VAV3: variants seen among roughly 807,000 people sequenced by gnomAD.
VAV3 encodes vav guanine nucleotide exchange factor 3.
VAV3 carries 94 observed loss-of-function variants against 131.2 expected under a neutral mutation model. The ratio of observed to expected loss-of-function variants is 0.72; its 90% CI spans 0.61 to 0.85. The LOEUF (loss-of-function observed/expected upper bound fraction) is 0.85, where lower values mean the gene tolerates loss of function less well. Among genes scored for constraint, VAV3 ranks in the 40% least tolerant of loss-of-function variants. The pLI is 0.00. For synonymous variants in VAV3, 349 were observed against 342.0 expected, an observed-to-expected ratio of 1.02 and a Z score of -0.22; for missense variants, 939 against 1,002.7, an observed-to-expected ratio of 0.94 and a Z score of 0.86.
intron 2 of VAV3, among the ~76,000 whole-genome samples, chr1:107,835,507 C>T (rs971638343): frequency 4.6e-5 from 7 of 152,138 alleles, no homozygotes; most frequent in African/African-American, 7.2e-5. Context: ...CCTCCCTCTG[C>T]GGGGCTGGTC....
chr1:107,841,412 A>C (rs1668703022), intron 2 of VAV3, among the ~76,000 whole-genome samples: 1 of 152,222 alleles, frequency 6.6e-6, no homozygotes, highest in Non-Finnish European at 1.5e-5. Flanking sequence ...GCTGAGGAGA[A>C]ACAGTAGCGG....
intron 19 of VAV3, among the ~76,000 whole-genome samples, chr1:107,649,547 G>C (rs144723624): frequency 1.8e-4 from 28 of 152,156 alleles, no homozygotes; most frequent in East Asian, 1.4e-3. Context: ...TGATTATTGA[G>C]ATGATCCCCT....
At chr1:107,843,232 C>T (rs1034504116) in intron 2 of VAV3, among the ~76,000 whole-genome samples, 50 of 151,958 alleles carry the variant, frequency 3.3e-4, no homozygotes, top group Non-Finnish European at 2.5e-4. Context: ...CTTAAACACA[C>T]ATCCTGAGTA....
intron 2 of VAV3, among the ~76,000 whole-genome samples, chr1:107,826,621 C>T (rs556266163): frequency 9.2e-5 from 14 of 152,248 alleles, no homozygotes; most frequent in African/African-American, 3.4e-4. Flanking sequence ...TGATGAACTT[C>T]CAATGTTAGC....
intron 22 of VAV3, among the ~76,000 whole-genome samples, chr1:107,607,716 A>C (rs1476347956): frequency 6.6e-6 from 1 of 152,198 alleles, no homozygotes; most frequent in African/African-American, 2.4e-5. Flanking sequence ...TCTCATTCCT[A>C]TCTTTTGATA....
rs1665121168 is a variant in VAV3 at position 107,772,774 on chromosome 1, G to A, written c.516C>T (p.Val172=). The A allele has an allele frequency of 6.2e-7, 1 of 1,613,716 alleles. No individual in the cohort carries two copies. ...CVYGEDEGGE[V]YEDLMKAEEA... is the part of the protein sequence containing the mutation. ...CCTCTGCCTTCATTAAGTCCTCATA[G>A]ACTTCTCCACCTTCATCTTCCCCAT... is the stretch of plus-strand genomic sequence containing the variant. The change falls in exon 5 of 27, where the codon GTC becomes GTT. Residue 172 remains valine, a synonymous_variant. Transcript: ENST00000370056.
chr1:107,726,332 C>A lies in VAV3; in HGVS notation c.1503-21271G>T, dbSNP rs569257603. ...ACTCTGCTTAGGTTTGATCCTCACA[C>A]AAGCTACAGGAATTCCGCCAGAAAG... On this transcript the variant is annotated intron_variant, in intron 15 of 26. Transcript: ENST00000370056. Among the ~76,000 whole-genome samples, 5 of 152,328 alleles carry A rather than the reference C, an allele frequency of 3.3e-5. No individual in the cohort carries two copies. The South Asian group carries it at 1.0e-3, about 32-fold the overall frequency.
intron 1 of VAV3, among the ~76,000 whole-genome samples, chr1:107,886,230 G>A (rs895592211): frequency 1.3e-5 from 2 of 152,206 alleles, no homozygotes; most frequent in African/African-American, 2.4e-5. Context: ...CTAAGAACTT[G>A]CCATGGAGTA....
chr1:107,778,712 T>C (rs1409541086), intron 3 of VAV3, among the ~76,000 whole-genome samples: 1 of 152,208 alleles, frequency 6.6e-6, no homozygotes, highest in African/African-American at 2.4e-5. Context: ...TATGGAGCAC[T>C]GAATAAAGAA....
At position 107,875,035 on chromosome 1, in the gene VAV3, G is replaced by A. The variant is rs1374445148; in HGVS notation, c.205-18C>T. 1.3e-6 allele frequency: 2 copies of A among 1,595,646 alleles called. No individual in the cohort carries two copies. Among genetic ancestry groups the A allele is most frequent in the Middle Eastern group, 1.7e-4 (1 of 6,022 alleles). On this transcript the variant is annotated intron_variant, in intron 1 of 26. Transcript: ENST00000370056. Reference sequence around the variant, plus strand: ...CAGAGAAACTGAGGAATGGAAAAGAGCTGTTAGCATAAAGTTAATTATTCT... The same window carrying A: ...CAGAGAAACTGAGGAATGGAAAAGAACTGTTAGCATAAAGTTAATTATTCT...
At chr1:107,950,892 A>C (rs545548344) in intron 1 of VAV3, among the ~76,000 whole-genome samples, 1 of 152,262 alleles carries the variant, frequency 6.6e-6, no homozygotes, top group South Asian at 2.1e-4. Flanking sequence ...TAGAGAGAGG[A>C]GAGAGAGCAA....
At chr1:107,944,645 C>G (rs1439533193) in intron 1 of VAV3, among the ~76,000 whole-genome samples, 1 of 152,150 alleles carries the variant, frequency 6.6e-6, no homozygotes, top group Non-Finnish European at 1.5e-5. Context: ...CACTCTGTCA[C>G]CCAGGCTGGA....
intron 19 of VAV3, among the ~76,000 whole-genome samples, chr1:107,654,829 T>C (rs1346708061): frequency 6.6e-6 from 1 of 152,084 alleles, no homozygotes; most frequent in African/African-American, 2.4e-5. Context: ...AAATGTTAGA[T>C]ATACACTGGC....
At chr1:107,904,764 A>C (rs1211600421) in intron 1 of VAV3, among the ~76,000 whole-genome samples, 3 of 152,208 alleles carry the variant, frequency 2.0e-5, no homozygotes, top group African/African-American at 7.2e-5. Context: ...CTCTACCATC[A>C]TGAGACTTTC....
intron 3 of VAV3, 28 bp downstream of exon 3, chr1:107,779,406 A>T: frequency 6.4e-7 from 1 of 1,563,450 alleles, no homozygotes; most frequent in Non-Finnish European, 8.7e-7. Context: ...ACTCAATGGG[A>T]CACATGAACA....
At chr1:107,593,118 A>G (rs1284780470) in intron 25 of VAV3, among the ~76,000 whole-genome samples, 1 of 151,914 alleles carries the variant, frequency 6.6e-6, no homozygotes, top group East Asian at 1.9e-4. Context: ...AGGCTGAGAG[A>G]CAGCCTACAA....
rs1571204248 is a variant in VAV3 at position 107,964,927 on chromosome 1, C to T, written c.-58G>A. On this transcript the variant is annotated 5_prime_UTR_variant, in exon 1 of 27. Coordinates refer to ENST00000370056, the MANE Select transcript of VAV3 (RefSeq NM_006113.5). ...GCGGGCGGCAAGGATGCGGCCGCCG[C>T]CGCCGCCGCCGCGGTTCCTCCGCGC... 8.2e-7 allele frequency: 1 copy of T among 1,216,514 alleles called. No homozygotes were observed. Among genetic ancestry groups the T allele is most frequent in the Non-Finnish European group, 1.0e-6 (1 of 968,492 alleles). The allele number at this position is 1,216,514 out of a possible 1,614,324, so 75.4% of individuals were successfully genotyped here.
At chr1:107,662,054 A>G (rs1318579247) in intron 19 of VAV3, among the ~76,000 whole-genome samples, 2 of 152,230 alleles carry the variant, frequency 1.3e-5, no homozygotes, top group Non-Finnish European at 1.5e-5. Flanking sequence ...TTTAATTCAT[A>G]ATGTGAATAA....
intron 2 of VAV3, among the ~76,000 whole-genome samples, chr1:107,827,669 G>A (rs1032646479): frequency 6.6e-6 from 1 of 152,164 alleles, no homozygotes; most frequent in Non-Finnish European, 1.5e-5. Flanking sequence ...AGCATTGGCA[G>A]ATGACATCAA....
Sources: gnomAD v4.1 joint callset for allele counts (sites outside exome capture counted in the v4.1 genomes callset) on GRCh38, gnomAD v4.1.1 for gene constraint, MANE v1.5 for transcripts, NCBI Gene and HGNC (gene_info 2026-07-23, HGNC 2026-07-21) for gene names.